SMG6: variants seen among roughly 807,000 people sequenced by gnomAD.
The protein encoded by SMG6 is SMG6 nonsense mediated mRNA decay factor.
SMG6 carries 66 observed loss-of-function variants against 142.2 expected under a neutral mutation model. That is an observed-to-expected ratio of 0.46 (90% CI 0.38 to 0.57). SMG6 has a LOEUF of 0.57. Ranked by LOEUF, SMG6 falls within the 20% of genes least tolerant of loss-of-function variation. The pLI is 0.00. For missense variants in SMG6, 1,793 were observed against 1,832.0 expected, an observed-to-expected ratio of 0.98 and a Z score of 0.39; for synonymous variants, 779 against 702.4, an observed-to-expected ratio of 1.11 and a Z score of -1.72.
intron 8 of SMG6, among the ~76,000 whole-genome samples, chr17:2,265,455 A>G (rs2093231885): frequency 6.6e-6 from 1 of 151,998 alleles, no homozygotes; most frequent in South Asian, 2.1e-4. Flanking sequence ...GGTTGCAGTG[A>G]GCTGAGATTG....
intron 8 of SMG6, among the ~76,000 whole-genome samples, chr17:2,277,154 TTTATTTATTTA>T (rs1241040529): frequency 1.1e-4 from 9 of 81,788 alleles, no homozygotes; most frequent in African/African-American, 4.1e-4. Context: ...TATTTATTTA[TTTATTTATTTA>T]TTTTTTATTT....
chr17:2,117,231 A>C (rs2069535962), intron 13 of SMG6, among the ~76,000 whole-genome samples: 1 of 152,008 alleles, frequency 6.6e-6, no homozygotes, highest in African/African-American at 2.4e-5. Context: ...AGTAGCTGGG[A>C]CCACAGATAT....
intron 13 of SMG6, chr17:2,127,641 C>G (rs1270236155): frequency 1.8e-6 from 1 of 569,300 alleles, no homozygotes; most frequent in East Asian, 4.5e-5. Context: ...TCCTTTCATT[C>G]AACGAATACA....
At chr17:2,078,759 G>T (rs183019897) in intron 15 of SMG6, among the ~76,000 whole-genome samples, 2 of 152,262 alleles carry the variant, frequency 1.3e-5, no homozygotes, top group Non-Finnish European at 2.9e-5. Flanking sequence ...AAAGAATGGT[G>T]GTGAGGAAGC....
chr17:2,119,482 C>G (rs1469560587), intron 13 of SMG6, among the ~76,000 whole-genome samples: 1 of 152,030 alleles, frequency 6.6e-6, no homozygotes, highest in African/African-American at 2.4e-5. Context: ...GCATTAGTCA[C>G]CGCACCCAGC....
chr17:2,279,089 T>C (rs2074724541), intron 8 of SMG6, among the ~76,000 whole-genome samples: 1 of 151,954 alleles, frequency 6.6e-6, no homozygotes, highest in Non-Finnish European at 1.5e-5. Flanking sequence ...AAACCAGAAA[T>C]GTGGTTATTA....
chr17:2,109,365 G>C lies in SMG6; in HGVS notation c.3358-23464C>G, dbSNP rs1012323144. Among the ~76,000 whole-genome samples the C allele has an allele frequency of 5.9e-5, 9 of 152,158 alleles. No homozygotes were observed. In the South Asian group the frequency reaches 1.9e-3, roughly 32 times the overall value. ...TCCAACCTCCACCTCCTGGGTTCAA[G>C]TGATTCTCGTGCCTCAGCCTCGTAA... On this transcript the variant is annotated intron_variant, in intron 13 of 18. Coordinates refer to ENST00000263073, the MANE Select transcript of SMG6 (RefSeq NM_017575.5).
At chr17:2,156,983 G>GT (rs1345632449) in intron 13 of SMG6, among the ~76,000 whole-genome samples, 14 of 152,162 alleles carry the variant, frequency 9.2e-5, no homozygotes, top group African/African-American at 3.4e-4. Flanking sequence ...TTTGCTAACA[G>GT]TAAGGGAAGG....
chr17:2,290,173 C>A (rs1280355294), intron 6 of SMG6, among the ~76,000 whole-genome samples: 1 of 151,898 alleles, frequency 6.6e-6, no homozygotes, highest in South Asian at 2.1e-4. Context: ...ATAGCCAATA[C>A]AATACTGAAA....
intron 15 of SMG6, among the ~76,000 whole-genome samples, chr17:2,077,932 G>C (rs1039549505): frequency 6.6e-6 from 1 of 152,196 alleles, no homozygotes; most frequent in African/African-American, 2.4e-5. Flanking sequence ...GGGGTAGTGG[G>C]AGAAGAGGCT....
chr17:2,187,609 C>G (rs116575462), intron 11 of SMG6, among the ~76,000 whole-genome samples: 2 of 152,036 alleles, frequency 1.3e-5, no homozygotes, highest in Non-Finnish European at 2.9e-5. Flanking sequence ...TATGGAAAGA[C>G]GAACGTAAGC....
At chr17:2,300,764 A>C (rs1003929377) in intron 1 of SMG6, 100 bp from the exon 2 acceptor site, 1 of 1,119,880 alleles carries the variant, frequency 8.9e-7, no homozygotes, top group Non-Finnish European at 1.2e-6. Context: ...TAACAAAAAA[A>C]GTCGAGCAAG....
intron 8 of SMG6, among the ~76,000 whole-genome samples, chr17:2,267,407 T>C (rs983134468): frequency 2.6e-5 from 4 of 151,984 alleles, no homozygotes; most frequent in Non-Finnish European, 5.9e-5. Flanking sequence ...TTGTCAAGGC[T>C]AGTCATGAAT....
chr17:2,302,586 T>C (rs1214869099), intron 1 of SMG6, among the ~76,000 whole-genome samples: 1 of 152,194 alleles, frequency 6.6e-6, no homozygotes, highest in Non-Finnish European at 1.5e-5. Context: ...ATCCTAGTAT[T>C]GCTCTCTAAA....
intron 15 of SMG6, among the ~76,000 whole-genome samples, chr17:2,081,400 G>C (rs952722943): frequency 7.2e-5 from 11 of 152,152 alleles, no homozygotes; most frequent in Admixed American, 2.6e-4. Context: ...CAGGCAAGCA[G>C]ACTGTGGCCA....
intron 13 of SMG6, among the ~76,000 whole-genome samples, chr17:2,135,619 T>C (rs2070269140): frequency 6.6e-6 from 1 of 152,244 alleles, no homozygotes; most frequent in South Asian, 2.1e-4. Context: ...ATGTGGTTAC[T>C]GACCACTAGA....
chr17:2,123,451 C>T (rs1164963845), intron 13 of SMG6, among the ~76,000 whole-genome samples: 5 of 152,218 alleles, frequency 3.3e-5, no homozygotes, highest in African/African-American at 1.2e-4. Context: ...GGCACAGAAA[C>T]TCCTTTCATT....
chr17:2,250,173 G>A (rs1030151934), intron 8 of SMG6, among the ~76,000 whole-genome samples: 2 of 152,168 alleles, frequency 1.3e-5, no homozygotes, highest in Non-Finnish European at 2.9e-5. Flanking sequence ...AACAACGCAA[G>A]AGGAGGGGAT....
Position 2,298,924 on chromosome 17 carries a change from T to C in SMG6, c.1829A>G (p.Glu610Gly), listed in dbSNP as rs2075205984. 3 of 1,613,510 alleles carry C rather than the reference T, an allele frequency of 1.9e-6. No individual in the cohort carries two copies. In the Admixed American group the frequency reaches 5.0e-5, roughly 27 times the overall value. The change falls in exon 2 of 19, where the codon GAG (glutamate) becomes GGG (glycine). Residue 610 changes from glutamate to glycine, a missense_variant. Physicochemically the swap from Glu to Gly is moderately conservative, Grantham distance 98. Transcript: ENST00000263073. Reference protein sequence around the residue: ...SRDRISPEGLEKMAQLRAELL... With the variant: ...SRDRISPEGLGKMAQLRAELL... ...ATCATACCTGAGTTGCGCCATCTTCTCCAGGCCCTCCGGACTGATGCGGTC... is the reference window on the plus strand; with the variant it reads ...ATCATACCTGAGTTGCGCCATCTTCCCCAGGCCCTCCGGACTGATGCGGTC...
Sources: gnomAD v4.1 joint callset for allele counts (sites outside exome capture counted in the v4.1 genomes callset) on GRCh38, gnomAD v4.1.1 for gene constraint, MANE v1.5 for transcripts, NCBI Gene and HGNC (gene_info 2026-07-23, HGNC 2026-07-21) for gene names.